Variants in MYO16 observed in about 807,000 individuals in gnomAD.
The protein encoded by MYO16 is myosin XVI.
Under a neutral mutation model 205.3 loss-of-function variants are expected in MYO16, and 94 were observed. The ratio of observed to expected loss-of-function variants is 0.46; its 90% CI spans 0.39 to 0.54. MYO16 has a LOEUF of 0.54. Ranked by LOEUF, MYO16 falls within the 20% of genes least tolerant of loss-of-function variation. The probability of loss-of-function intolerance (pLI) is 0.00; values close to 1 mark genes in which losing one functional copy is unlikely to be tolerated. For missense variants in MYO16, 2,315 were observed against 2,387.5 expected (o/e 0.97, Z 0.63); for synonymous variants, 988 against 954.0 (o/e 1.04, Z -0.66).
chr13:108,553,859 C>T, the MYO16 span, among the ~76,000 whole-genome samples: 1 of 152,130 alleles, frequency 6.6e-6, no homozygotes, highest in South Asian at 2.1e-4. Context: ...CTTCCCTTAC[C>T]TCCTCATGTC....
intron 23 of MYO16, among the ~76,000 whole-genome samples, chr13:109,023,709 A>ATACATATATATATATGTATATAT (rs571275985): frequency 4.8e-4 from 59 of 124,144 alleles, no homozygotes; most frequent in Non-Finnish European, 8.8e-4. Context: ...ATATGTATAT[A>ATACATATATATATATGTATATAT]TACAAATATA....
chr13:109,140,875 G>T lies in MYO16; in HGVS notation c.4663G>T (p.Glu1555Ter). ...CAACCTCAAGTACCCCGTGCAGCCG[G>T]AGGGGTCGAGCCCGCTGTCCCCGCA... ...ETNLKYPVQP[E>*]GSSPLSPQYS... The change falls in exon 32 of 35, where the codon GAG becomes TAG. Residue 1555 changes from glutamate (E) to a stop codon, truncating the protein, a stop_gained. Coordinates refer to ENST00000457511, the MANE Select transcript of MYO16 (RefSeq NM_001198950.3). LOFTEE classifies it high-confidence loss of function. The surrounding 1 kb of genome is among the most constrained non-coding windows in gnomAD (Gnocchi z 8.0). 1 of 1,596,158 alleles carries T rather than the reference G, an allele frequency of 6.3e-7. No homozygotes were observed. Among genetic ancestry groups the T allele is most frequent in the Non-Finnish European group, 8.5e-7 (1 of 1,172,910 alleles).
chr13:108,957,876 T>A, intron 17 of MYO16, 77 bp downstream of exon 17: 1 of 1,150,772 alleles, frequency 8.7e-7, no homozygotes, highest in Non-Finnish European at 1.3e-6. Flanking sequence ...TCAAAAGCAT[T>A]TACTGAGCCC....
intron 29 of MYO16, among the ~76,000 whole-genome samples, chr13:109,122,834 C>T (rs893173878): frequency 6.6e-6 from 1 of 152,040 alleles, no homozygotes; most frequent in Non-Finnish European, 1.5e-5. Flanking sequence ...ATTTTCATAG[C>T]TCTTAAAACA....
At chr13:108,533,708 C>T in the MYO16 span, among the ~76,000 whole-genome samples, 2 of 152,202 alleles carry the variant, frequency 1.3e-5, no homozygotes, top group South Asian at 2.1e-4. Context: ...ATAAGCACAG[C>T]AAATATGTAT....
chr13:108,551,783 C>A, the MYO16 span, among the ~76,000 whole-genome samples: 1 of 152,134 alleles, frequency 6.6e-6, no homozygotes, highest in African/African-American at 2.4e-5. Context: ...ATCTAATGTT[C>A]TAGGCATACT....
chr13:108,886,023 T>A (rs914345153), intron 13 of MYO16, among the ~76,000 whole-genome samples: 2 of 152,136 alleles, frequency 1.3e-5, no homozygotes, highest in Admixed American at 6.5e-5. Flanking sequence ...AGTCTCGCTC[T>A]GTCGCCCAGG....
chr13:108,834,627 T>A (rs1876799694), intron 9 of MYO16, among the ~76,000 whole-genome samples: 1 of 125,752 alleles, frequency 8.0e-6, no homozygotes. Context: ...TCCTGTTTTA[T>A]TCAGTCTTGT....
At chr13:109,146,879 T>A (rs1422750195) in intron 32 of MYO16, among the ~76,000 whole-genome samples, 1 of 151,580 alleles carries the variant, frequency 6.6e-6, no homozygotes, top group Non-Finnish European at 1.5e-5. Context: ...AGAAAACCAA[T>A]GTCAAACCAT....
At chr13:108,957,632 C>T in intron 16 of MYO16, 56 bp from the exon 17 acceptor site, 2 of 1,247,478 alleles carry the variant, frequency 1.6e-6, no homozygotes, top group African/African-American at 1.5e-5. Flanking sequence ...GACTTTTAAC[C>T]ACAGAAGTCT....
At chr13:108,898,834 T>C (rs1428688222) in intron 15 of MYO16, among the ~76,000 whole-genome samples, 1 of 152,194 alleles carries the variant, frequency 6.6e-6, no homozygotes, top group African/African-American at 2.4e-5. Context: ...AAACAGATTA[T>C]TAATGCAAAT....
At chr13:109,052,171 A>G (rs1887265889) in intron 24 of MYO16, 129 bp from the exon 25 acceptor site, 2 of 739,446 alleles carry the variant, frequency 2.7e-6, no homozygotes, top group Middle Eastern at 2.8e-4. Context: ...TAGACTCCTC[A>G]ATCTGCTGAA....
intron 15 of MYO16, among the ~76,000 whole-genome samples, chr13:108,904,726 T>C (rs996679807): frequency 5.3e-5 from 8 of 152,314 alleles, no homozygotes; most frequent in African/African-American, 1.9e-4. Flanking sequence ...TGCCCTTGTC[T>C]TTCCCATTGA....
intron 9 of MYO16, among the ~76,000 whole-genome samples, chr13:108,829,607 G>A (rs1876487184): frequency 6.6e-6 from 1 of 152,150 alleles, no homozygotes; most frequent in South Asian, 2.1e-4. Flanking sequence ...GGATAGAGAA[G>A]AAATGCCACT....
chr13:109,170,579 C>A (rs542925011), intron 33 of MYO16, among the ~76,000 whole-genome samples: 1 of 151,814 alleles, frequency 6.6e-6, no homozygotes, highest in South Asian at 2.1e-4. Flanking sequence ...AGAAAGGGAA[C>A]TTCTCTTCAC....
chr13:109,144,026 C>CTT lies in MYO16; in HGVS notation c.5164+2665_5164+2666dup, dbSNP rs11347920. Among the ~76,000 whole-genome samples the CTT allele has an allele frequency of 5.1e-3, 729 of 143,812 alleles. 3 individuals carry two copies. Among genetic ancestry groups the CTT allele is most frequent in the African/African-American group, 9.3e-3 (360 of 38,630 alleles). 94.3% of individuals were successfully genotyped at this position (143,812 alleles called of 152,430 possible). A position where few individuals can be genotyped will look rare whatever the true frequency, so the allele number is the denominator to read the frequency against. ...TACAGTTGAGAAGTGTATAATAATT[C>CTT]TTTTTTTTTTTTTTTTGACGGAGTT... is the stretch of plus-strand genomic sequence containing the variant. On this transcript the variant is annotated intron_variant, in intron 32 of 34. Coordinates refer to ENST00000457511, the MANE Select transcript of MYO16 (RefSeq NM_001198950.3).
In MYO16 at chr13:109,022,412, T is replaced by TTTA. The variant is rs1886085237; in HGVS notation, c.2796+2502_2796+2503insTAT. Among the ~76,000 whole-genome samples, 3 of 126,516 alleles carry TTTA rather than the reference T, an allele frequency of 2.4e-5. 1 individual carries two copies. Among genetic ancestry groups the TTTA allele is most frequent in the African/African-American group, 6.1e-5 (2 of 32,962 alleles). 83.0% of individuals were successfully genotyped at this position (126,516 alleles called of 152,430 possible). ...ATACATATATGTATATATGTATATATTGTATATACAAATATAAACATATGT... is the reference window on the plus strand; with the variant it reads ...ATACATATATGTATATATGTATATATTTATGTATATACAAATATAAACATATGT... On this transcript the variant is annotated intron_variant, in intron 23 of 34. Coordinates refer to ENST00000457511, the MANE Select transcript of MYO16 (RefSeq NM_001198950.3).
At chr13:108,672,323 A>T (rs1475730482) in intron 2 of MYO16, among the ~76,000 whole-genome samples, 1 of 152,238 alleles carries the variant, frequency 6.6e-6, no homozygotes, top group East Asian at 1.9e-4. Flanking sequence ...GTAAAAAAAA[A>T]TTGCCATAAG....
At chr13:108,727,629 T>C (rs1884386650) in intron 4 of MYO16, 46 bp downstream of exon 4, 2 of 1,574,454 alleles carry the variant, frequency 1.3e-6, no homozygotes, top group Non-Finnish European at 8.6e-7. Context: ...TGATGGCATG[T>C]AAAAGGCTAT....
Sources: allele counts gnomAD v4.1 joint callset (sites outside exome capture counted in the v4.1 genomes callset), GRCh38; gene constraint gnomAD v4.1.1; non-coding constraint Gnocchi (gnomAD v3.1); transcripts MANE v1.5; gene names NCBI Gene and HGNC (gene_info 2026-07-23, HGNC 2026-07-21).